The following RTN4RL1 variants were observed in gnomAD, a reference collection of about 807,000 sequenced individuals.
RTN4RL1 encodes reticulon 4 receptor like 1, also known as reticulon-4 receptor-like 1.
RTN4RL1 carries 7 observed loss-of-function variants against 25.6 expected under a neutral mutation model. The observed-to-expected ratio is 0.27, with a 90% CI of 0.16 to 0.51. The LOEUF is 0.51. Among genes scored for constraint, RTN4RL1 ranks in the 20% least tolerant of loss-of-function variants. RTN4RL1 has a pLI of 0.97. For missense variants in RTN4RL1, 500 were observed against 615.6 expected (o/e 0.81, Z 1.99); for synonymous variants, 297 against 288.2 (o/e 1.03, Z -0.31).
intron 1 of RTN4RL1, among the ~76,000 whole-genome samples, chr17:1,952,740 T>C: frequency 6.6e-6 from 1 of 151,958 alleles, no homozygotes; most frequent in Non-Finnish European, 1.5e-5. Context: ...TGTGCTCCTC[T>C]AGAGGAGCCG....
At chr17:1,965,114 C>CTTT (rs538870581) in intron 1 of RTN4RL1, among the ~76,000 whole-genome samples, 27,925 of 137,524 alleles carry the variant, frequency 0.2, 3,012 homozygotes, top group Middle Eastern at 0.31. Context: ...TTCTTTCTTT[C>CTTT]TTTTTTTTTT....
intron 1 of RTN4RL1, among the ~76,000 whole-genome samples, chr17:1,990,047 A>G (rs2151318912): frequency 6.6e-6 from 1 of 151,804 alleles, no homozygotes; most frequent in South Asian, 2.1e-4. Context: ...ACTTAAAATG[A>G]TTACAATGGT....
intron 1 of RTN4RL1, among the ~76,000 whole-genome samples, chr17:2,001,934 G>GGGGGGGGGA (rs1159491211): frequency 7.0e-6 from 1 of 142,594 alleles, no homozygotes; most frequent in Non-Finnish European, 1.6e-5. Flanking sequence ...CCCTGGGGGA[G>GGGGGGGGGA]GGGAGGGGAG....
chr17:1,948,600 G>A (rs1915609889), intron 1 of RTN4RL1, among the ~76,000 whole-genome samples: 1 of 152,142 alleles, frequency 6.6e-6, no homozygotes, highest in South Asian at 2.1e-4. Context: ...CGGACGGGCA[G>A]ACACAGGTGG....
At chr17:2,002,438 G>T (rs7211952) in intron 1 of RTN4RL1, among the ~76,000 whole-genome samples, 4 of 148,182 alleles carry the variant, frequency 2.7e-5, no homozygotes, top group African/African-American at 5.0e-5. Context: ...GACTACAGGC[G>T]CCCGCCACCT....
chr17:1,946,872 G>GCC (rs1915560608), intron 1 of RTN4RL1, among the ~76,000 whole-genome samples: 1 of 63,996 alleles, frequency 1.6e-5, no homozygotes, highest in South Asian at 3.1e-4. Context: ...GTGCACGTGT[G>GCC]TCTGTGTCTC....
intron 1 of RTN4RL1, among the ~76,000 whole-genome samples, chr17:1,982,884 T>C (rs1169341598): frequency 6.6e-6 from 1 of 152,196 alleles, no homozygotes; most frequent in Non-Finnish European, 1.5e-5. Flanking sequence ...ACAGTCACTG[T>C]GTGCCACAGG....
chr17:2,019,848 A>C (rs3803805), intron 1 of RTN4RL1: 1 of 152,166 alleles, frequency 6.6e-6, no homozygotes, highest in Non-Finnish European at 1.5e-5. Flanking sequence ...ATTGTTTCCC[A>C]TGCTGGCATG....
chr17:1,966,661 C>T lies in RTN4RL1; in HGVS notation c.14-28853G>A, dbSNP rs557818009. Among the ~76,000 whole-genome samples the T allele has an allele frequency of 2.6e-5, 4 of 152,260 alleles. No homozygotes were observed. In the South Asian group the frequency reaches 8.3e-4, roughly 32 times the overall value. On this transcript the variant is annotated intron_variant, in intron 1 of 1. Coordinates refer to ENST00000331238, the MANE Select transcript of RTN4RL1 (RefSeq NM_178568.4). ...AAGTTCCAGGGACTGCCCCCACCCA[C>T]TAACATAGCCAAGGGTCTGATGTTG...
intron 1 of RTN4RL1, among the ~76,000 whole-genome samples, chr17:1,942,450 C>G: frequency 6.6e-6 from 1 of 152,048 alleles, no homozygotes; most frequent in Non-Finnish European, 1.5e-5. Flanking sequence ...GGCAGTCTGG[C>G]CAGGTGCTGG....
At chr17:2,020,217 C>T (rs984546568) in intron 1 of RTN4RL1, 1 of 152,226 alleles carries the variant, frequency 6.6e-6, no homozygotes, top group Non-Finnish European at 1.5e-5. Flanking sequence ...AAAAGTCTCA[C>T]AGCTCAGCCT....
Position 1,936,538 on chromosome 17 carries a change from G to C in RTN4RL1, c.1284C>G (p.Ser428=), listed in dbSNP as rs138049616. Residue 428 remains serine (S), a synonymous_variant, in exon 2 of 2, where the codon TCC becomes TCG. Coordinates refer to ENST00000331238, the MANE Select transcript of RTN4RL1 (RefSeq NM_178568.4). ...QASSASSLGA[S]LLAWTLGLAV... ...CCAGCCCCAGTGTCCAGGCCAGGAG[G>C]GAGGCCCCCAGGGAACTGGCCGAGG... 1.7e-4 allele frequency: 271 copies of C among 1,553,356 alleles called. 2 individuals carry two copies. The African/African-American group carries it at 3.3e-3, about 19-fold the overall frequency.
chr17:1,981,210 G>A (rs538326890), intron 1 of RTN4RL1, among the ~76,000 whole-genome samples: 21 of 151,706 alleles, frequency 1.4e-4, no homozygotes, highest in Admixed American at 9.8e-4. Context: ...AGGAGACTCC[G>A]TCCCTACAAA....
chr17:1,947,968 C>G (rs959876373), intron 1 of RTN4RL1, among the ~76,000 whole-genome samples: 22 of 152,166 alleles, frequency 1.4e-4, no homozygotes, highest in African/African-American at 4.8e-4. Flanking sequence ...CTCCCTAAGC[C>G]GTGATGATTA....
At chr17:1,961,332 C>A (rs566810017) in intron 1 of RTN4RL1, among the ~76,000 whole-genome samples, 1 of 152,140 alleles carries the variant, frequency 6.6e-6, no homozygotes, top group East Asian at 1.9e-4. Context: ...TGGAGGACGA[C>A]GGGGCAGGGC....
chr17:1,940,193 A>G (rs1322894688), intron 1 of RTN4RL1, among the ~76,000 whole-genome samples: 1 of 152,074 alleles, frequency 6.6e-6, no homozygotes, highest in African/African-American at 2.4e-5. Context: ...CCCTGTAATC[A>G]CCCGGCTTCG....
chr17:1,985,054 A>G (rs1016977577), intron 1 of RTN4RL1, among the ~76,000 whole-genome samples: 3 of 152,190 alleles, frequency 2.0e-5, no homozygotes, highest in African/African-American at 4.8e-5. Context: ...TTTTTCACGC[A>G]CTGCTCATTT....
intron 1 of RTN4RL1, among the ~76,000 whole-genome samples, chr17:2,014,806 T>C (rs2067098780): frequency 6.7e-6 from 1 of 150,198 alleles, no homozygotes; most frequent in South Asian, 2.1e-4. Context: ...CACTCCAGCC[T>C]GGACGACAGG....
At position 1,937,428 on chromosome 17, in the gene RTN4RL1, G is replaced by C. The variant is rs770975627; in HGVS notation, c.394C>G (p.Leu132Val). ...AAGGCGCTGAGCCCACACTTGTAGA[G>C]GTAGAGGGCGTGAAGCTTCACCAGG... ...QGLVKLHALY[L>V]YKCGLSALPA... Residue 132 changes from leucine (L) to valine (V), a missense_variant, in exon 2 of 2, where the codon CTC becomes GTC. Leu to Val is a conservative substitution (Grantham distance 32). Around this residue, in one of 2 missense-constraint regions of RTN4RL1, gnomAD observed 232 missense variants for 341.1 expected, o/e 0.68. Transcript: ENST00000331238. 6.2e-7 allele frequency: 1 copy of C among 1,613,928 alleles called. No homozygotes were observed. The highest frequency in any genetic ancestry group is 8.5e-7 in the Non-Finnish European group (1 of 1,179,904).
Sources: gnomAD v4.1 joint callset for allele counts (sites outside exome capture counted in the v4.1 genomes callset) on GRCh38, gnomAD v4.1.1 for gene constraint, gnomAD v4.1.1 regional missense constraint, MANE v1.5 for transcripts, NCBI Gene and HGNC (gene_info 2026-07-23, HGNC 2026-07-21) for gene names.